Variants in PLEKHA6 observed in about 807,000 individuals in gnomAD.
PLEKHA6 encodes the protein pleckstrin homology domain containing A6.
A neutral mutation model predicts 116.7 loss-of-function variants in PLEKHA6; 60 were observed. That is an observed-to-expected ratio of 0.51 (90% CI 0.42 to 0.64). PLEKHA6 has a LOEUF of 0.64. PLEKHA6 is among the 30% of genes least tolerant of loss of function. The pLI, the probability that PLEKHA6 is intolerant of heterozygous loss-of-function variation, is 0.00. For synonymous variants in PLEKHA6, 489 were observed against 556.1 expected (o/e 0.88, Z 1.70); for missense variants, 1,338 against 1,422.7 (o/e 0.94, Z 0.96).
At chr1:204,301,386 C>T (rs1186128583) in intron 1 of PLEKHA6, 8 of 982,376 alleles carry the variant, frequency 8.1e-6, no homozygotes, top group Non-Finnish European at 9.7e-6. Flanking sequence ...AACAGCTCAT[C>T]AGCCTACAGC....
At chr1:204,245,112 GA>G in intron 14 of PLEKHA6, 109 bp from the exon 15 acceptor site, 1 of 760,832 alleles carries the variant, frequency 1.3e-6, no homozygotes, top group Non-Finnish European at 2.0e-6. Context: ...CAGGGATGTG[GA>G]AGGGCAGATT....
rs184060639 is a variant in PLEKHA6 at position 204,332,201 on chromosome 1, C to T, written c.-95+27493G>A. ...GTTAACCCAGAATTCAGCCAATGTG[C>T]TTGTTCCATATTCATGCCCACGCTG... is the stretch of plus-strand genomic sequence containing the variant. On this transcript the variant is annotated intron_variant, in intron 1 of 22. Coordinates refer to ENST00000272203, the MANE Select transcript of PLEKHA6 (RefSeq NM_014935.5). Among the ~76,000 whole-genome samples the T allele has an allele frequency of 3.3e-5, 5 of 152,314 alleles. 1 individual carries two copies. In the South Asian group the frequency reaches 1.0e-3, roughly 32 times the overall value.
chr1:204,269,025 C>T (rs1444452819), intron 3 of PLEKHA6, among the ~76,000 whole-genome samples: 2 of 152,086 alleles, frequency 1.3e-5, no homozygotes, highest in Admixed American at 6.6e-5. Flanking sequence ...GCCTTGATGT[C>T]CCCGGCTCCA....
intron 3 of PLEKHA6, among the ~76,000 whole-genome samples, chr1:204,270,539 A>T (rs969260979): frequency 1.3e-5 from 2 of 152,144 alleles, no homozygotes; most frequent in African/African-American, 4.8e-5. Flanking sequence ...GTTATCTTAC[A>T]TAGGTCCCTC....
chr1:204,376,702 G>T (rs1558207817), intron 1 of PLEKHA6, among the ~76,000 whole-genome samples: 1 of 152,146 alleles, frequency 6.6e-6, no homozygotes, highest in Non-Finnish European at 1.5e-5. Flanking sequence ...CAATATCTCT[G>T]GACCTCAGTT....
At chr1:204,341,864 G>A (rs1672857342) in intron 1 of PLEKHA6, among the ~76,000 whole-genome samples, 1 of 152,164 alleles carries the variant, frequency 6.6e-6, no homozygotes, top group Admixed American at 6.5e-5. Flanking sequence ...ATAAAATGGG[G>A]AAAACATAAG....
At chr1:204,364,181 C>T (rs1673611278), upstream of PLEKHA6, among the ~76,000 whole-genome samples, 2 of 152,222 alleles carry the variant, frequency 1.3e-5, no homozygotes, top group Admixed American at 1.3e-4. Flanking sequence ...GAATCCATGT[C>T]TGAAGTCGTT....
intron 1 of PLEKHA6, among the ~76,000 whole-genome samples, chr1:204,333,714 G>C (rs1234495851): frequency 6.6e-6 from 1 of 152,168 alleles, no homozygotes; most frequent in Admixed American, 6.5e-5. Context: ...TGCAGGGAAG[G>C]GGGAATCCTG....
At chr1:204,303,411 AG>A (rs1350028752) in intron 1 of PLEKHA6, among the ~76,000 whole-genome samples, 1 of 152,218 alleles carries the variant, frequency 6.6e-6, no homozygotes. Context: ...TCTTATATAA[AG>A]AAGTCCTGGG....
chr1:204,307,837 C>A (rs1219341488), intron 1 of PLEKHA6: 1 of 984,568 alleles, frequency 1.0e-6, no homozygotes, highest in South Asian at 4.7e-5. Context: ...TCTCTCCCAG[C>A]CCCAACCCCT....
chr1:204,305,877 T>G lies in PLEKHA6; in HGVS notation c.-94-31068A>C, dbSNP rs74646771. Among the ~76,000 whole-genome samples the G allele has an allele frequency of 4.7e-3, 711 of 152,362 alleles. 7 individuals carry two copies. Among genetic ancestry groups the G allele is most frequent in the African/African-American group, 0.016 (670 of 41,586 alleles). ...CATTGTACTATATGATTTCTTAGGC[T>G]TAAAATGTATTTTTGTTGCACTTTG... On this transcript the variant is annotated intron_variant, in intron 1 of 22. Transcript: ENST00000272203.
rs144051869 is a variant in PLEKHA6, at chr1:204,256,035, G to A, written c.1524+1318C>T. Among the ~76,000 whole-genome samples the A allele has an allele frequency of 9.2e-4, 140 of 152,310 alleles. 1 individual carries two copies. Among genetic ancestry groups the A allele is most frequent in the African/African-American group, 3.2e-3 (134 of 41,564 alleles). On this transcript the variant is annotated intron_variant, in intron 9 of 22. Transcript: ENST00000272203. ...GGAAAAATCGGTTGTTTCTGGGTGC[G>A]TGTGTTTGCTGTGGGCAAAGCTTAT... is the stretch of plus-strand genomic sequence containing the variant.
chr1:204,315,891 A>G (rs957271774), intron 1 of PLEKHA6, among the ~76,000 whole-genome samples: 12 of 152,184 alleles, frequency 7.9e-5, no homozygotes, highest in African/African-American at 2.9e-4. Context: ...CACATTAAGG[A>G]GACGGGAGAT....
rs1660607538 is a variant in PLEKHA6, at chr1:204,228,031, C to G, written c.3031+52G>C. On this transcript the variant is annotated intron_variant, in intron 21 of 22. Transcript: ENST00000272203. The surrounding 1 kb of genome is among the most constrained non-coding windows in gnomAD (Gnocchi z 4.0). ...GCAGTGCCACGCTTCCTCCCTTAAA[C>G]CTGGTCAGCTGGTTTCCCTGGCAGG... 6.3e-7 allele frequency: 1 copy of G among 1,589,192 alleles called. No homozygotes were observed. Among genetic ancestry groups the G allele is most frequent in the Non-Finnish European group, 8.6e-7 (1 of 1,167,410 alleles).
chr1:204,234,981 T>TAACTAATAGC (rs1558031149), intron 17 of PLEKHA6, among the ~76,000 whole-genome samples: 1 of 17,034 alleles, frequency 5.9e-5, no homozygotes, highest in African/African-American at 4.3e-4. Flanking sequence ...TATATATATA[T>TAACTAATAGC]ATATATATAT....
intron 1 of PLEKHA6, among the ~76,000 whole-genome samples, chr1:204,303,714 GGTACGGGGGTGGTGGTGAGA>G (rs1671027724): frequency 6.6e-6 from 1 of 152,030 alleles, no homozygotes; most frequent in Non-Finnish European, 1.5e-5. Context: ...ATTATTTTGG[GGTACGGGGGTGGTGGTGAGA>G]CAAGAGTCTC....
Position 204,219,555 on chromosome 1 carries a change from C to G in PLEKHA6, c.*3233G>C, listed in dbSNP as rs1659437547. 1 of 152,164 alleles carries G rather than the reference C, an allele frequency of 6.6e-6. No homozygotes were observed. The highest frequency in any genetic ancestry group is 1.5e-5 in the Non-Finnish European group (1 of 68,044). 9.4% of individuals were successfully genotyped at this position (152,164 alleles called of 1,614,324 possible). On this transcript the variant is annotated 3_prime_UTR_variant, in exon 23 of 23. Transcript: ENST00000272203. ...GGTGGGTCACTTAGCTCTGGACCCC[C>G]ATCTGGGCTCTGTTCATTCAGAGCA... is the stretch of plus-strand genomic sequence containing the variant.
rs1027152627 is a variant in PLEKHA6 at position 204,305,452 on chromosome 1, C to T, written c.-94-30643G>A. The stretch of plus-strand genomic sequence containing the variant: ...TTGTAGGAATATTTTTCCCATCTTC[C>T]CTACAGGATTGCAGGTAAACTGAGA... On this transcript the variant is annotated intron_variant, in intron 1 of 22. Transcript: ENST00000272203. 1.4e-4 allele frequency among the ~76,000 whole-genome samples: 22 copies of T among 152,262 alleles called. 1 individual carries two copies. The highest frequency in any genetic ancestry group is 1.2e-3 in the Admixed American group (18 of 15,306).
chr1:204,249,413 T>G, intron 10 of PLEKHA6, 149 bp from the exon 11 acceptor site: 1 of 628,258 alleles, frequency 1.6e-6, no homozygotes, highest in Non-Finnish European at 2.9e-6. Flanking sequence ...TTGCCCTTGG[T>G]GGCTCCTGAG....
Sources: gnomAD v4.1 joint callset for allele counts (sites outside exome capture counted in the v4.1 genomes callset) on GRCh38, gnomAD v4.1.1 for gene constraint, Gnocchi (gnomAD v3.1) non-coding constraint, MANE v1.5 for transcripts, NCBI Gene and HGNC (gene_info 2026-07-23, HGNC 2026-07-21) for gene names.